Variants in ZBTB20 observed in about 807,000 individuals in gnomAD.
The protein encoded by ZBTB20 is zinc finger and BTB domain containing 20.
ZBTB20 carries 9 observed loss-of-function variants against 56.9 expected under a neutral mutation model. The ratio of observed to expected loss-of-function variants is 0.16; its 90% CI spans 0.10 to 0.28. ZBTB20 has a LOEUF of 0.28. Ranked by LOEUF, ZBTB20 falls within the 10% of genes least tolerant of loss-of-function variation. ZBTB20 has a pLI of 1.00. For missense variants in ZBTB20, 655 were observed against 1,003.0 expected (o/e 0.65, Z 4.69); for synonymous variants, 417 against 420.7 (o/e 0.99, Z 0.11).
chr3:114,347,810 C>G (rs956262084), intron 11 of ZBTB20, among the ~76,000 whole-genome samples: 2 of 152,150 alleles, frequency 1.3e-5, no homozygotes, highest in African/African-American at 2.4e-5. Context: ...GATATATGCA[C>G]ATTATTATTT....
At chr3:114,859,694 T>C (rs899548885) in intron 4 of ZBTB20, among the ~76,000 whole-genome samples, 1 of 151,746 alleles carries the variant, frequency 6.6e-6, no homozygotes, top group Non-Finnish European at 1.5e-5. Flanking sequence ...GCAAAGGCAG[T>C]CTTTTATAAA....
At chr3:114,346,105 A>C (rs1288626208) in intron 11 of ZBTB20, among the ~76,000 whole-genome samples, 1 of 152,188 alleles carries the variant, frequency 6.6e-6, no homozygotes, top group Non-Finnish European at 1.5e-5. Context: ...GTGGATAAAG[A>C]GTGGTTAGGT....
intron 4 of ZBTB20, among the ~76,000 whole-genome samples, chr3:114,817,633 G>A (rs982313323): frequency 1.3e-5 from 2 of 151,830 alleles, no homozygotes; most frequent in African/African-American, 4.8e-5. Flanking sequence ...ATTTCATTAG[G>A]AGTTTTGCAA....
chr3:114,767,097 G>A (rs1418081628), intron 5 of ZBTB20, among the ~76,000 whole-genome samples: 2 of 151,932 alleles, frequency 1.3e-5, no homozygotes. Context: ...GCAAATATAA[G>A]AATTACAGCT....
At chr3:114,361,951 G>T (rs555248366) in intron 10 of ZBTB20, among the ~76,000 whole-genome samples, 1 of 152,156 alleles carries the variant, frequency 6.6e-6, no homozygotes, top group Non-Finnish European at 1.5e-5. Flanking sequence ...TCAGAAGGAC[G>T]AGGCTCAATG....
chr3:114,845,269 T>A (rs1030386936), intron 4 of ZBTB20, among the ~76,000 whole-genome samples: 1 of 150,644 alleles, frequency 6.6e-6, no homozygotes, highest in South Asian at 2.1e-4. Flanking sequence ...AGCAAAATTA[T>A]AGAAACTTAG....
intron 7 of ZBTB20, among the ~76,000 whole-genome samples, chr3:114,440,318 A>G (rs1326279275): frequency 6.6e-6 from 1 of 152,078 alleles, no homozygotes; most frequent in Non-Finnish European, 1.5e-5. Flanking sequence ...AGGTTAAGCG[A>G]TTTGTCCTGT....
intron 7 of ZBTB20, among the ~76,000 whole-genome samples, chr3:114,444,672 T>G (rs2108987352): frequency 6.6e-6 from 1 of 152,274 alleles, no homozygotes; most frequent in East Asian, 1.9e-4. Context: ...GCAAAATGAG[T>G]AGTTTAAGCC....
At chr3:114,815,165 A>G (rs1264395424) in intron 4 of ZBTB20, among the ~76,000 whole-genome samples, 4 of 152,214 alleles carry the variant, frequency 2.6e-5, no homozygotes, top group Admixed American at 1.3e-4. Context: ...TATTTGTACA[A>G]TAAAATACTT....
intron 6 of ZBTB20, among the ~76,000 whole-genome samples, chr3:114,541,674 T>A (rs1453206157): frequency 1.3e-5 from 2 of 152,170 alleles, no homozygotes; most frequent in Non-Finnish European, 2.9e-5. Flanking sequence ...ACAGACCTTT[T>A]CTTCAACATA....
chr3:114,678,004 C>T (rs1278805417), intron 6 of ZBTB20, among the ~76,000 whole-genome samples: 1 of 152,006 alleles, frequency 6.6e-6, no homozygotes, highest in Non-Finnish European at 1.5e-5. Context: ...CTTTTTCATA[C>T]CTGACAAAGA....
In ZBTB20 at chr3:114,351,112, G is replaced by T; in HGVS notation, c.966C>A (p.Thr322=). Residue 322 remains threonine, a synonymous_variant, in exon 11 of 12, where the codon ACC becomes ACA. Coordinates refer to ENST00000675478, the MANE Select transcript of ZBTB20 (RefSeq NM_001348800.3). ...RKQPRPVRIQ[T]LVGNIHIKQE... ...GCTTGATGTGGATGTTGCCCACTAG[G>T]GTCTGGATGCGCACAGGCCGGGGCT... 1 of 1,608,358 alleles carries T rather than the reference G, an allele frequency of 6.2e-7. No individual in the cohort carries two copies.
chr3:114,609,337 T>C (rs1285380408), intron 6 of ZBTB20, among the ~76,000 whole-genome samples: 1 of 152,218 alleles, frequency 6.6e-6, no homozygotes, highest in Non-Finnish European at 1.5e-5. Flanking sequence ...GGAGGAGCAA[T>C]GACTATAAAG....
At chr3:114,667,222 G>A (rs897707215) in intron 6 of ZBTB20, among the ~76,000 whole-genome samples, 3 of 151,836 alleles carry the variant, frequency 2.0e-5, no homozygotes, top group Admixed American at 1.3e-4. Flanking sequence ...AGGCATAAAT[G>A]GGATAAAACA....
Position 114,314,779 on chromosome 3 carries a change from T to G in ZBTB20, c.*24226A>C, listed in dbSNP as rs763461628. 11 of 151,970 alleles carry G rather than the reference T, an allele frequency of 7.2e-5. No individual in the cohort carries two copies. Among genetic ancestry groups the G allele is most frequent in the Non-Finnish European group, 1.2e-4 (8 of 67,974 alleles). The allele number at this position is 151,970 out of a possible 1,614,324, so 9.4% of individuals were successfully genotyped here. A position where few individuals can be genotyped will look rare whatever the true frequency, so the allele number is the denominator to read the frequency against. The stretch of plus-strand genomic sequence containing the variant: ...TAAAACTTCACAGTATTCCAAAATG[T>G]CACAATAATAATAATAATATAATAG... On this transcript the variant is annotated 3_prime_UTR_variant, in exon 12 of 12. Coordinates refer to ENST00000675478, the MANE Select transcript of ZBTB20 (RefSeq NM_001348800.3).
At chr3:114,794,491 C>T (rs1389122299) in intron 5 of ZBTB20, among the ~76,000 whole-genome samples, 1 of 151,976 alleles carries the variant, frequency 6.6e-6, no homozygotes, top group Non-Finnish European at 1.5e-5. Context: ...GAATTCTAGG[C>T]CTGAATTTTG....
At chr3:114,950,442 T>G (rs1490183531) in intron 3 of ZBTB20, among the ~76,000 whole-genome samples, 1 of 152,128 alleles carries the variant, frequency 6.6e-6, no homozygotes, top group African/African-American at 2.4e-5. Context: ...AACATCTTTT[T>G]GTACTTAAGG....
intron 6 of ZBTB20, among the ~76,000 whole-genome samples, chr3:114,631,271 T>G (rs1471414761): frequency 6.6e-6 from 1 of 151,822 alleles, no homozygotes; most frequent in Admixed American, 6.6e-5. Context: ...ATTGCCTCGA[T>G]TATCATTTTT....
At chr3:114,382,229 T>A (rs944177355) in intron 8 of ZBTB20, among the ~76,000 whole-genome samples, 7 of 152,206 alleles carry the variant, frequency 4.6e-5, no homozygotes, top group Admixed American at 3.3e-4. Flanking sequence ...CATTCCAATT[T>A]CACTGCAATC....
Sources: gnomAD v4.1 joint callset for allele counts (sites outside exome capture counted in the v4.1 genomes callset) on GRCh38, gnomAD v4.1.1 for gene constraint, MANE v1.5 for transcripts, NCBI Gene and HGNC (gene_info 2026-07-23, HGNC 2026-07-21) for gene names.